The following PIK3C3 variants were observed in gnomAD, a reference collection of about 807,000 sequenced individuals.
PIK3C3 encodes the protein phosphatidylinositol 3-kinase catalytic subunit type 3.
A neutral mutation model predicts 126.1 loss-of-function variants in PIK3C3; 95 were observed. That is an observed-to-expected ratio of 0.75 (90% CI 0.64 to 0.89). The LOEUF is 0.89. Ranked by LOEUF, PIK3C3 falls within the 40% of genes least tolerant of loss-of-function variation. The pLI, the probability that PIK3C3 is intolerant of heterozygous loss-of-function variation, is 0.00. For missense variants in PIK3C3, 829 were observed against 1,063.2 expected (o/e 0.78, Z 3.06); for synonymous variants, 374 against 360.0 (o/e 1.04, Z -0.44).
intron 4 of PIK3C3, among the ~76,000 whole-genome samples, chr18:41,977,956 G>T (rs1036002371): frequency 3.9e-5 from 6 of 152,014 alleles, no homozygotes; most frequent in African/African-American, 1.2e-4. Flanking sequence ...TTTTTTGTTT[G>T]TTTTTGTTTG....
intron 24 of PIK3C3, among the ~76,000 whole-genome samples, chr18:42,069,843 A>C (rs1233629640): frequency 6.6e-6 from 1 of 152,236 alleles, no homozygotes; most frequent in Admixed American, 6.5e-5. Flanking sequence ...CACTGATTTC[A>C]GTAATCTATA....
At chr18:42,044,796 T>A (rs1310590688) in intron 20 of PIK3C3, among the ~76,000 whole-genome samples, 2 of 152,156 alleles carry the variant, frequency 1.3e-5, no homozygotes, top group Non-Finnish European at 2.9e-5. Flanking sequence ...GACACTAGAG[T>A]TGAGCCCTGA....
Position 41,962,489 on chromosome 18 carries a change from C to T in PIK3C3, c.258C>T (p.Asn86=). The T allele has an allele frequency of 2.5e-6, 4 of 1,603,542 alleles. No homozygotes were observed. Among genetic ancestry groups the T allele is most frequent in the African/African-American group, 1.3e-5 (1 of 74,598 alleles). ...TSYKAFSTRW[N]WNEWLKLPVK... is the part of the protein sequence containing the mutation. Reference sequence around the variant, plus strand: ...ATTTATGTTAACTTCATTTCCATAGCTGGAATGAATGGCTGAAACTACCAG... The same window carrying T: ...ATTTATGTTAACTTCATTTCCATAGTTGGAATGAATGGCTGAAACTACCAG... Residue 86 remains asparagine, a splice_region_variant and synonymous_variant, in exon 3 of 25, where the codon AAC becomes AAT. Transcript: ENST00000262039.
intron 21 of PIK3C3, among the ~76,000 whole-genome samples, chr18:42,051,517 T>C (rs1984802443): frequency 6.6e-6 from 1 of 152,076 alleles, no homozygotes; most frequent in African/African-American, 2.4e-5. Flanking sequence ...TGGAATGTCA[T>C]ATATTCAGTT....
intron 10 of PIK3C3, among the ~76,000 whole-genome samples, chr18:42,012,206 G>A (rs935381740): frequency 3.3e-5 from 5 of 151,602 alleles, no homozygotes; most frequent in African/African-American, 9.7e-5. Flanking sequence ...AAAATGCAAT[G>A]TGTGCAAGGT....
chr18:42,017,432 G>C (rs796261132), intron 12 of PIK3C3, among the ~76,000 whole-genome samples: 5 of 152,186 alleles, frequency 3.3e-5, no homozygotes, highest in African/African-American at 1.2e-4. Flanking sequence ...TTTCCCAGCT[G>C]TTGGGTATAG....
chr18:41,999,008 A>G (rs1002592334), intron 9 of PIK3C3, among the ~76,000 whole-genome samples: 2 of 152,094 alleles, frequency 1.3e-5, no homozygotes, highest in Admixed American at 6.5e-5. Flanking sequence ...AATTGGAGGA[A>G]ATTGGTTCTC....
At chr18:41,974,887 G>T (rs577205081) in intron 4 of PIK3C3, among the ~76,000 whole-genome samples, 1 of 152,294 alleles carries the variant, frequency 6.6e-6, no homozygotes, top group East Asian at 1.9e-4. Context: ...GACATGAAAG[G>T]TTAGTGCAAA....
At chr18:42,026,194 AC>A (rs1343728675) in intron 13 of PIK3C3, 2 of 152,204 alleles carry the variant, frequency 1.3e-5, no homozygotes, top group Non-Finnish European at 2.9e-5. Flanking sequence ...AATCAGTCAT[AC>A]CACCATAGAC....
chr18:42,038,885 G>GTGTA, intron 18 of PIK3C3, 35 bp downstream of exon 18: 1 of 1,276,558 alleles, frequency 7.8e-7, no homozygotes, highest in Non-Finnish European at 1.1e-6. Context: ...ATTTACTTTA[G>GTGTA]TGTACATTGT....
chr18:42,009,576 T>C (rs1982703677), intron 10 of PIK3C3, among the ~76,000 whole-genome samples: 1 of 152,090 alleles, frequency 6.6e-6, no homozygotes. Flanking sequence ...TACTGTAGTC[T>C]AAGTATGTAG....
intron 15 of PIK3C3, among the ~76,000 whole-genome samples, chr18:42,032,649 TTTA>T (rs1983882187): frequency 6.6e-6 from 1 of 150,592 alleles, no homozygotes; most frequent in South Asian, 2.1e-4. Flanking sequence ...TATTTATTTA[TTTA>T]TTTATTTATT....
chr18:42,076,153 T>C (rs1412805453), intron 24 of PIK3C3, among the ~76,000 whole-genome samples: 2 of 117,048 alleles, frequency 1.7e-5, no homozygotes, highest in African/African-American at 7.2e-5. Context: ...TGCGCATATA[T>C]ATATATATGC....
At chr18:42,059,990 G>A (rs1395120566) in intron 22 of PIK3C3, 1 of 152,146 alleles carries the variant, frequency 6.6e-6, no homozygotes. Flanking sequence ...GCCCAGGCTG[G>A]TCTTGAACTC....
At position 42,049,587 on chromosome 18, in the gene PIK3C3, C is replaced by T; in HGVS notation, c.2245C>T (p.Leu749Phe). The T allele has an allele frequency of 6.2e-7, 1 of 1,612,618 alleles. No individual in the cohort carries two copies. Among genetic ancestry groups the T allele is most frequent in the Non-Finnish European group, 8.5e-7 (1 of 1,178,688 alleles). Residue 749 changes from leucine to phenylalanine, a missense_variant, in exon 21 of 25, where the codon CTT becomes TTT. Leu to Phe is a conservative substitution (Grantham distance 22, BLOSUM62 0). Coordinates refer to ENST00000262039, the MANE Select transcript of PIK3C3 (RefSeq NM_002647.4). The part of the protein sequence containing the change: ...LGVGDRHLDN[L>F]LLTKTGKLFH... ...AGTTGGAGACAGGCACCTGGATAAC[C>T]TTTTGCTAACAAAAACAGGTAACAA...
intron 2 of PIK3C3, among the ~76,000 whole-genome samples, chr18:41,959,322 A>C (rs745788595): frequency 6.6e-6 from 1 of 152,050 alleles, no homozygotes; most frequent in Non-Finnish European, 1.5e-5. Flanking sequence ...CCATTTGCCA[A>C]CTCTTCTCTG....
intron 4 of PIK3C3, among the ~76,000 whole-genome samples, chr18:41,974,454 A>G (rs555208137): frequency 5.3e-5 from 8 of 152,304 alleles, no homozygotes; most frequent in South Asian, 2.1e-4. Flanking sequence ...AAAAGGAAAC[A>G]TAATCATTTT....
chr18:42,021,382 C>T (rs1275464105), intron 13 of PIK3C3, among the ~76,000 whole-genome samples: 3 of 152,050 alleles, frequency 2.0e-5, no homozygotes, highest in African/African-American at 7.2e-5. Flanking sequence ...TTATTTGCCC[C>T]AGAATCCTGA....
Position 42,057,872 on chromosome 18 carries a change from T to C in PIK3C3, c.2264-11T>C. 6.2e-7 allele frequency: 1 copy of C among 1,612,948 alleles called. No homozygotes were observed. Among genetic ancestry groups the C allele is most frequent in the Non-Finnish European group, 8.5e-7 (1 of 1,179,402 alleles). ...ATTCTGGAAACAAATGAGTTTCTTG[T>C]CAACATCCAGGCAAACTCTTCCACA... On this transcript the variant is annotated splice_polypyrimidine_tract_variant and intron_variant, in intron 21 of 24. Coordinates refer to ENST00000262039, the MANE Select transcript of PIK3C3 (RefSeq NM_002647.4).
Sources: gnomAD v4.1 joint callset for allele counts (sites outside exome capture counted in the v4.1 genomes callset) on GRCh38, gnomAD v4.1.1 for gene constraint, MANE v1.5 for transcripts, NCBI Gene and HGNC (gene_info 2026-07-23, HGNC 2026-07-21) for gene names.